The following MTA3 variants were observed in gnomAD, a reference collection of about 807,000 sequenced individuals.
MTA3 encodes metastasis-associated protein MTA3.
In MTA3, 34 loss-of-function variants were observed where a neutral mutation model predicts 83.5. The observed-to-expected ratio is 0.41, with a 90% confidence interval of 0.31 to 0.54. The LOEUF (loss-of-function observed/expected upper bound fraction) is 0.54. MTA3 is among the 20% of genes least tolerant of loss of function. The pLI, the probability that MTA3 is intolerant of heterozygous loss-of-function variation, is 0.33. For missense variants in MTA3, 761 were observed against 726.4 expected (o/e 1.05, Z -0.55); for synonymous variants, 303 against 252.7 (o/e 1.20, Z -1.89).
intron 9 of MTA3, among the ~76,000 whole-genome samples, chr2:42,686,213 G>A (rs2104446748): frequency 6.6e-6 from 1 of 152,284 alleles, no homozygotes; most frequent in Non-Finnish European, 1.5e-5. Flanking sequence ...GTACATTTAA[G>A]AACAAATTGT....
intron 4 of MTA3, among the ~76,000 whole-genome samples, chr2:42,622,888 C>T (rs1253251628): frequency 6.6e-6 from 1 of 152,100 alleles, no homozygotes; most frequent in Non-Finnish European, 1.5e-5. Context: ...TTGCTTATAT[C>T]ATTAGATTGG....
intron 3 of MTA3, among the ~76,000 whole-genome samples, chr2:42,593,381 C>A (rs1681279220): frequency 6.6e-6 from 1 of 151,730 alleles, no homozygotes; most frequent in Non-Finnish European, 1.5e-5. Flanking sequence ...ATAATAAATA[C>A]ATAAATCAGT....
At chr2:42,614,787 C>A (rs1216852383) in intron 4 of MTA3, among the ~76,000 whole-genome samples, 1 of 151,894 alleles carries the variant, frequency 6.6e-6, no homozygotes, top group Non-Finnish European at 1.5e-5. Context: ...CCAGCCTGGG[C>A]AACATTGGGA....
chr2:42,715,406 C>CTT lies in MTA3; in HGVS notation c.1526-3559_1526-3558dup, dbSNP rs35673744. Among the ~76,000 whole-genome samples, 527 of 104,088 alleles carry CTT rather than the reference C, an allele frequency of 5.1e-3. 5 individuals carry two copies. Among genetic ancestry groups the CTT allele is most frequent in the Non-Finnish European group, 6.9e-3 (369 of 53,750 alleles). 68.3% of individuals were successfully genotyped at this position (104,088 alleles called of 152,430 possible). A position where few individuals can be genotyped will look rare whatever the true frequency, so the allele number is the denominator to read the frequency against. On this transcript the variant is annotated intron_variant, in intron 14 of 16. Transcript: ENST00000405094. ...GAGACATAATTCTTGCCACCAACTA[C>CTT]TTTTTTTTTTTTTTTTTTTTTTTTG...
chr2:42,640,089 C>T (rs901605928), intron 4 of MTA3, 84 bp from the exon 5 acceptor site: 2 of 1,000,012 alleles, frequency 2.0e-6, no homozygotes, highest in South Asian at 3.0e-5. Flanking sequence ...TAATACCAGT[C>T]TCACATTCTT....
At chr2:42,713,003 C>G (rs1453937706) in intron 14 of MTA3, among the ~76,000 whole-genome samples, 3 of 152,178 alleles carry the variant, frequency 2.0e-5, no homozygotes, top group African/African-American at 7.2e-5. Context: ...ATCCAAACAC[C>G]TGATGCACAC....
Position 42,570,470 on chromosome 2 carries a change from C to T in MTA3, c.62C>T (p.Pro21Leu). ...YVYFENSSSNPYLIRRIEELN... is the reference protein window; with the variant it reads ...YVYFENSSSNLYLIRRIEELN... ...TACTTTGAGAATTCCTCCAGCAACC[C>T]ATACCTAATAAGAAGGATAGAAGAA... The change falls in exon 2 of 17, where the codon CCA (proline) becomes CTA (leucine). Residue 21 changes from proline to leucine, a missense_variant. Transcript: ENST00000405094. The T allele has an allele frequency of 1.9e-6, 3 of 1,545,808 alleles. No individual in the cohort carries two copies. Among genetic ancestry groups the T allele is most frequent in the Non-Finnish European group, 2.6e-6 (3 of 1,137,388 alleles).
chr2:42,666,774 T>C (rs1210402029), intron 8 of MTA3, among the ~76,000 whole-genome samples: 1 of 152,176 alleles, frequency 6.6e-6, no homozygotes, highest in Non-Finnish European at 1.5e-5. Flanking sequence ...ACCATTGAAT[T>C]CCCAGCACCA....
At chr2:42,717,478 CA>C (rs1667110255) in intron 14 of MTA3, among the ~76,000 whole-genome samples, 1 of 152,156 alleles carries the variant, frequency 6.6e-6, no homozygotes, top group African/African-American at 2.4e-5. Flanking sequence ...CTTTGTCTTG[CA>C]CATCTACTCT....
chr2:42,676,694 A>C (rs996947091), intron 8 of MTA3, among the ~76,000 whole-genome samples: 26 of 152,352 alleles, frequency 1.7e-4, no homozygotes, highest in African/African-American at 5.8e-4. Context: ...TGAGCCCAGG[A>C]GGCAGATGTT....
rs1679348863 is a variant in MTA3 at position 42,579,179 on chromosome 2, A to G, written c.169A>G (p.Met57Val). 6.2e-7 allele frequency: 1 copy of G among 1,600,562 alleles called. No homozygotes were observed. The highest frequency in any genetic ancestry group is 1.3e-5 in the African/African-American group (1 of 74,518). The change falls in exon 3 of 17, where the codon ATG becomes GTG. Residue 57 changes from methionine to valine, a missense_variant. Physicochemically the swap from Met to Val is conservative, Grantham distance 21. Coordinates refer to ENST00000405094, the MANE Select transcript of MTA3 (RefSeq NM_001330442.2). ...RRRDISNTLI[M>V]LADKHAKEIE... Reference sequence around the variant, plus strand: ...ACGTGATATTTCCAACACACTTATAATGCTCGCAGATAAGCATGCTAGTAA... The same window carrying G: ...ACGTGATATTTCCAACACACTTATAGTGCTCGCAGATAAGCATGCTAGTAA...
At chr2:42,583,181 C>G (rs77170064) in intron 3 of MTA3, among the ~76,000 whole-genome samples, 6,909 of 152,150 alleles carry the variant, frequency 0.045, 222 homozygotes, top group Middle Eastern at 0.088. Flanking sequence ...TTCTACCTAC[C>G]CAGCAATTTG....
chr2:42,626,391 G>C (rs1237621759), intron 4 of MTA3, among the ~76,000 whole-genome samples: 1 of 151,480 alleles, frequency 6.6e-6, no homozygotes, highest in Non-Finnish European at 1.5e-5. Context: ...TCTGCTTCTT[G>C]GGCTCAAGCG....
At chr2:42,594,728 A>ATATATTTTTT in intron 3 of MTA3, among the ~76,000 whole-genome samples, 29 of 24,040 alleles carry the variant, frequency 1.2e-3, no homozygotes, top group East Asian at 2.4e-3. Context: ...ATATATATAT[A>ATATATTTTTT]TTTTTTTTTT....
At chr2:42,741,001 C>A (rs901517476) in intron 16 of MTA3, among the ~76,000 whole-genome samples, 1 of 152,260 alleles carries the variant, frequency 6.6e-6, no homozygotes, top group African/African-American at 2.4e-5. Flanking sequence ...GTTTTGTCTA[C>A]ATTGAAAATC....
At chr2:42,559,826 C>T (rs1047114356) in intron 2 of MTA3, among the ~76,000 whole-genome samples, 2 of 145,540 alleles carry the variant, frequency 1.4e-5, no homozygotes, top group African/African-American at 5.1e-5. Context: ...CAGGGGGGTG[C>T]GGTGGAGGTT....
At chr2:42,542,736 T>C (rs1033734443) in intron 2 of MTA3, among the ~76,000 whole-genome samples, 1 of 151,726 alleles carries the variant, frequency 6.6e-6, no homozygotes, top group Non-Finnish European at 1.5e-5. Flanking sequence ...TTTGTATTTT[T>C]AGTAGAGACA....
chr2:42,689,838 CA>C (rs36044592), intron 9 of MTA3, among the ~76,000 whole-genome samples: 17,121 of 139,212 alleles, frequency 0.12, 1,083 homozygotes, highest in Non-Finnish European at 0.14. Flanking sequence ...TTGAACTTTG[CA>C]AAAAAAAAAA....
intron 8 of MTA3, among the ~76,000 whole-genome samples, chr2:42,675,192 A>C (rs117144995): frequency 7.9e-5 from 12 of 151,316 alleles, no homozygotes; most frequent in African/African-American, 2.9e-4. Context: ...CTGGAGTGCA[A>C]TGGTGACGTC....
Sources: gnomAD v4.1 joint callset for allele counts (sites outside exome capture counted in the v4.1 genomes callset) on GRCh38, gnomAD v4.1.1 for gene constraint, MANE v1.5 for transcripts, NCBI Gene and HGNC (gene_info 2026-07-23, HGNC 2026-07-21) for gene names.